WDR59: variants seen among roughly 807,000 people sequenced by gnomAD.
WDR59 encodes the protein WD repeat domain 59.
WDR59 carries 100 observed loss-of-function variants against 131.2 expected under a neutral mutation model. That is an observed-to-expected ratio of 0.76 (90% CI 0.65 to 0.90). The LOEUF (loss-of-function observed/expected upper bound fraction) is 0.90. Among genes scored for constraint, WDR59 ranks in the 40% least tolerant of loss-of-function variants. WDR59 has a pLI of 0.00. For synonymous variants in WDR59, 601 were observed against 466.2 expected, an observed-to-expected ratio of 1.29 and a Z score of -3.72; for missense variants, 1,203 against 1,262.2, an observed-to-expected ratio of 0.95 and a Z score of 0.71.
intron 11 of WDR59, among the ~76,000 whole-genome samples, chr16:74,917,088 G>A (rs1966426369): frequency 6.6e-6 from 1 of 152,174 alleles, no homozygotes; most frequent in East Asian, 1.9e-4. Flanking sequence ...CCTTCCCACT[G>A]TCAAGAAATT....
rs1455404944 is a variant in WDR59, at chr16:74,966,964, T to G, written c.55-1142A>C. 2.0e-5 allele frequency among the ~76,000 whole-genome samples: 3 copies of G among 152,322 alleles called. No individual in the cohort carries two copies. The East Asian group carries it at 5.8e-4, about 29-fold the overall frequency. ...AATTTCTTTGGACAAGTTCAAATCC[T>G]GCTGCACTCTCATGCCAGTATCATG... On this transcript the variant is annotated intron_variant, in intron 1 of 25. Transcript: ENST00000262144.
At position 74,916,150 on chromosome 16, in the gene WDR59, G is replaced by A. The variant is rs904381272; in HGVS notation, c.1076C>T (p.Thr359Ile). Residue 359 changes from threonine to isoleucine, a missense_variant, in exon 12 of 26, where the codon ACT becomes ATT. Physicochemically the swap from Thr to Ile is moderately conservative, Grantham distance 89. Transcript: ENST00000262144. Reference sequence around the variant, plus strand: ...ACCTTCTTCCTCCCCATGGCTTGCAGTGTGCTGGTGATCTGTATCTTCAGT... The same window carrying A: ...ACCTTCTTCCTCCCCATGGCTTGCAATGTGCTGGTGATCTGTATCTTCAGT... ...LHTEDTDHQH[T>I]ASHGEEEALK... 1 of 1,614,220 alleles carries A rather than the reference G, an allele frequency of 6.2e-7. No homozygotes were observed. The highest frequency in any genetic ancestry group is 1.3e-5 in the African/African-American group (1 of 75,062).
chr16:74,876,780 G>A (rs758994323), intron 25 of WDR59, among the ~76,000 whole-genome samples: 24 of 152,204 alleles, frequency 1.6e-4, no homozygotes, highest in Non-Finnish European at 2.9e-4. Context: ...CGTATGAACC[G>A]ATTGAGAAGG....
intron 18 of WDR59, among the ~76,000 whole-genome samples, chr16:74,901,318 T>A (rs1965539387): frequency 6.6e-6 from 1 of 151,930 alleles, no homozygotes; most frequent in Non-Finnish European, 1.5e-5. Context: ...CTTAAGGCAG[T>A]TACATTCCAT....
chr16:74,912,065 G>C, intron 14 of WDR59, 133 bp downstream of exon 14: 1 of 1,215,010 alleles, frequency 8.2e-7, no homozygotes, highest in South Asian at 1.4e-5. Context: ...CAGAGGTTAC[G>C]TTGCTAATAC....
rs563445402 is a variant in WDR59, at chr16:74,873,593, T to A, written c.*616A>T. On this transcript the variant is annotated 3_prime_UTR_variant, in exon 26 of 26. Coordinates refer to ENST00000262144, the MANE Select transcript of WDR59 (RefSeq NM_030581.4). ...TGTTGTTTAACTTTCTCTCTTTTTT[T>A]TTTTTTTCAAATTACTAGAATTTTA... 6.6e-6 allele frequency: 1 copy of A among 152,148 alleles called. No homozygotes were observed. Among genetic ancestry groups the A allele is most frequent in the African/African-American group, 2.4e-5 (1 of 41,526 alleles). 9.4% of individuals were successfully genotyped at this position (152,148 alleles called of 1,614,324 possible).
intron 25 of WDR59, among the ~76,000 whole-genome samples, chr16:74,877,841 C>T (rs947111777): frequency 6.6e-6 from 1 of 152,100 alleles, no homozygotes; most frequent in African/African-American, 2.4e-5. Flanking sequence ...CACCGCGCCC[C>T]GCCTGCTGTG....
intron 1 of WDR59, among the ~76,000 whole-genome samples, chr16:74,977,457 G>C (rs981527213): frequency 6.6e-6 from 1 of 152,104 alleles, no homozygotes; most frequent in Non-Finnish European, 1.5e-5. Flanking sequence ...GGGAGGCCGA[G>C]GCGGGCAGAT....
chr16:74,974,780 T>C (rs957151114), intron 1 of WDR59, among the ~76,000 whole-genome samples: 4 of 152,180 alleles, frequency 2.6e-5, no homozygotes, highest in Non-Finnish European at 5.9e-5. Flanking sequence ...GAGTCCCTAA[T>C]GAACTTCCTT....
At chr16:74,906,071 T>G (rs1313575713) in intron 17 of WDR59, among the ~76,000 whole-genome samples, 1 of 151,666 alleles carries the variant, frequency 6.6e-6, no homozygotes, top group African/African-American at 2.4e-5. Flanking sequence ...TCCCAGCACT[T>G]TGGGAGGCCG....
chr16:74,886,076 G>C, intron 24 of WDR59, 194 bp downstream of exon 24: 1 of 741,458 alleles, frequency 1.3e-6, no homozygotes, highest in Admixed American at 3.1e-5. Context: ...TACTCAGGAG[G>C]CTGAGGCAGG....
At chr16:74,927,681 AAAACACACACACAC>A (rs1483123646) in intron 8 of WDR59, among the ~76,000 whole-genome samples, 11 of 17,552 alleles carry the variant, frequency 6.3e-4, no homozygotes, top group East Asian at 9.3e-3. Context: ...TGCTCTTTAA[AAAACACACACACAC>A]ACACACACAC....
chr16:74,945,947 A>G (rs2032603220), intron 6 of WDR59, among the ~76,000 whole-genome samples: 1 of 151,670 alleles, frequency 6.6e-6, no homozygotes, highest in Admixed American at 6.6e-5. Context: ...CCTCCCAAGA[A>G]GCTGAGATTA....
intron 7 of WDR59, among the ~76,000 whole-genome samples, chr16:74,941,420 G>A (rs535714950): frequency 7.2e-5 from 11 of 151,948 alleles, no homozygotes; most frequent in East Asian, 1.9e-4. Context: ...GTGGCCAGGC[G>A]TGGTGGCTCA....
At chr16:74,958,839 G>A (rs971498784) in intron 2 of WDR59, among the ~76,000 whole-genome samples, 1 of 132,302 alleles carries the variant, frequency 7.6e-6, no homozygotes, top group Non-Finnish European at 1.7e-5. Flanking sequence ...GAGGCGGATG[G>A]ATCACCTGAG....
chr16:74,942,672 A>C, intron 7 of WDR59, 66 bp downstream of exon 7: 1 of 1,539,056 alleles, frequency 6.5e-7, no homozygotes, highest in Non-Finnish European at 9.0e-7. Flanking sequence ...TGGCACTCAT[A>C]AAATCATCTT....
intron 18 of WDR59, chr16:74,899,754 T>C (rs1381904590): frequency 7.8e-7 from 1 of 1,288,870 alleles, no homozygotes; most frequent in Non-Finnish European, 1.0e-6. Context: ...CGAGGAGACA[T>C]CTGTGCATGA....
At position 74,922,002 on chromosome 16, in the gene WDR59, G is replaced by C. The variant is rs1292582089; in HGVS notation, c.831C>G (p.Thr277=). 2.5e-6 allele frequency: 4 copies of C among 1,614,190 alleles called. No homozygotes were observed. Among genetic ancestry groups the C allele is most frequent in the Middle Eastern group, 1.6e-4 (1 of 6,062 alleles). ...GGACCACATCATCATGCCCCACGAAGGTGTGGACTGGGGTGTTCAAGTCAA... is the reference window on the plus strand; with the variant it reads ...GGACCACATCATCATGCCCCACGAACGTGTGGACTGGGGTGTTCAAGTCAA... ...NVFDLNTPVH[T]FVGHDDVVLE... is the part of the protein sequence containing the mutation. Residue 277 remains threonine (T), a synonymous_variant, in exon 10 of 26, where the codon ACC becomes ACG. Coordinates refer to ENST00000262144, the MANE Select transcript of WDR59 (RefSeq NM_030581.4).
At chr16:74,912,535 T>C (rs1966150891) in intron 13 of WDR59, among the ~76,000 whole-genome samples, 173 bp from the exon 14 acceptor site, 1 of 152,236 alleles carries the variant, frequency 6.6e-6, no homozygotes, top group Non-Finnish European at 1.5e-5. Flanking sequence ...TAAATTTTCA[T>C]ACCAGATTCT....
Sources: gnomAD v4.1 joint callset for allele counts (sites outside exome capture counted in the v4.1 genomes callset) on GRCh38, gnomAD v4.1.1 for gene constraint, MANE v1.5 for transcripts, NCBI Gene and HGNC (gene_info 2026-07-23, HGNC 2026-07-21) for gene names.